The following ITGBL1 variants were observed in gnomAD, a reference collection of about 807,000 sequenced individuals.
The protein encoded by ITGBL1 is integrin subunit beta like 1.
A neutral mutation model predicts 68.5 loss-of-function variants in ITGBL1; 51 were observed. The ratio of observed to expected loss-of-function variants is 0.74; its 90% CI spans 0.59 to 0.94. The LOEUF is 0.94. Among genes scored for constraint, ITGBL1 ranks in the 40% least tolerant of loss-of-function variants. The pLI, the probability that ITGBL1 is intolerant of heterozygous loss-of-function variation, is 0.00. For missense variants in ITGBL1, 649 were observed against 647.4 expected, an observed-to-expected ratio of 1.00 and a Z score of -0.03; for synonymous variants, 209 against 227.3, an observed-to-expected ratio of 0.92 and a Z score of 0.72.
intron 2 of ITGBL1, among the ~76,000 whole-genome samples, chr13:101,557,261 T>C (rs1160251539): frequency 1.3e-5 from 2 of 152,372 alleles, no homozygotes; most frequent in South Asian, 2.1e-4. Context: ...GGAAGGCATG[T>C]TAAATATCAT....
At chr13:101,476,227 C>A (rs1418371478) in intron 2 of ITGBL1, among the ~76,000 whole-genome samples, 4 of 152,038 alleles carry the variant, frequency 2.6e-5, no homozygotes, top group Non-Finnish European at 5.9e-5. Context: ...CATTAGTTTT[C>A]TCTTTGCTTG....
At chr13:101,670,518 T>C (rs1028775812) in intron 7 of ITGBL1, among the ~76,000 whole-genome samples, 2 of 152,240 alleles carry the variant, frequency 1.3e-5, no homozygotes, top group Non-Finnish European at 2.9e-5. Flanking sequence ...TTTTCTTACA[T>C]CCTTGTAATT....
chr13:101,589,105 T>C (rs1009468550), intron 6 of ITGBL1, among the ~76,000 whole-genome samples: 2 of 152,216 alleles, frequency 1.3e-5, no homozygotes, highest in Admixed American at 1.3e-4. Context: ...TCTTGAAATA[T>C]GTAGTATATA....
intron 2 of ITGBL1, among the ~76,000 whole-genome samples, chr13:101,555,868 G>C (rs2049997135): frequency 6.6e-6 from 1 of 152,126 alleles, no homozygotes; most frequent in African/African-American, 2.4e-5. Flanking sequence ...TATTTGATCA[G>C]GGATTTTTGT....
At chr13:101,670,864 G>T (rs1361719698) in intron 7 of ITGBL1, among the ~76,000 whole-genome samples, 1 of 152,124 alleles carries the variant, frequency 6.6e-6, no homozygotes, top group African/African-American at 2.4e-5. Flanking sequence ...ATATGTTATT[G>T]ATGTGAATGT....
chr13:101,719,532 C>T (rs574930268), downstream of ITGBL1: 234 of 152,114 alleles, frequency 1.5e-3, no homozygotes, highest in African/African-American at 5.3e-3. Context: ...TCTAATTTTT[C>T]CAAGTAAAGT....
At chr13:101,604,465 G>C (rs1448802397) in intron 7 of ITGBL1, among the ~76,000 whole-genome samples, 9 of 151,664 alleles carry the variant, frequency 5.9e-5, no homozygotes, top group Non-Finnish European at 1.2e-4. Flanking sequence ...AACTAAATAA[G>C]CTTCATCAGT....
chr13:101,515,978 C>A (rs2049188966), intron 2 of ITGBL1, among the ~76,000 whole-genome samples: 1 of 152,096 alleles, frequency 6.6e-6, no homozygotes, highest in South Asian at 2.1e-4. Context: ...CAATTATACA[C>A]CCACACCTAG....
intron 2 of ITGBL1, among the ~76,000 whole-genome samples, chr13:101,543,259 A>G (rs2049746329): frequency 6.6e-6 from 1 of 152,144 alleles, no homozygotes; most frequent in Non-Finnish European, 1.5e-5. Flanking sequence ...CCTGGTGGTG[A>G]CAAAATCTCT....
At chr13:101,662,267 A>G (rs1332299337) in intron 7 of ITGBL1, among the ~76,000 whole-genome samples, 1 of 152,168 alleles carries the variant, frequency 6.6e-6, no homozygotes, top group African/African-American at 2.4e-5. Flanking sequence ...AATGTTCTTG[A>G]CAATTAGCAT....
intron 2 of ITGBL1, among the ~76,000 whole-genome samples, chr13:101,541,604 G>T (rs995534117): frequency 6.6e-6 from 1 of 152,234 alleles, no homozygotes; most frequent in East Asian, 1.9e-4. Context: ...TTTTTCTGTT[G>T]ATTGGAATAG....
intron 7 of ITGBL1, among the ~76,000 whole-genome samples, chr13:101,644,828 G>A (rs1272533397): frequency 6.6e-6 from 1 of 152,100 alleles, no homozygotes; most frequent in Non-Finnish European, 1.5e-5. Context: ...AGTACCTAAT[G>A]AAAATATTAG....
At chr13:101,579,499 T>G (rs2050420167) in intron 5 of ITGBL1, 72 bp downstream of exon 5, 2 of 1,487,886 alleles carry the variant, frequency 1.3e-6, no homozygotes, top group Admixed American at 2.0e-5. Context: ...ACTTCTTTTC[T>G]TTGTATTTCC....
At chr13:101,683,308 C>CT in intron 7 of ITGBL1, among the ~76,000 whole-genome samples, 1 of 152,106 alleles carries the variant, frequency 6.6e-6, no homozygotes, top group South Asian at 2.1e-4. Flanking sequence ...TTAGACGTGA[C>CT]TTTTTTGGAA....
At position 101,517,505 on chromosome 13, in the gene ITGBL1, A is replaced by T. The variant is rs556487947; in HGVS notation, c.317-50194A>T. On this transcript the variant is annotated intron_variant, in intron 2 of 10. Coordinates refer to ENST00000376180, the MANE Select transcript of ITGBL1 (RefSeq NM_004791.3). The stretch of plus-strand genomic sequence containing the variant: ...GACTGGGATTCAACCAGACCTCAGT[A>T]GTTTTGTAAGCTCTCTCTCATGACT... Among the ~76,000 whole-genome samples, 13 of 152,332 alleles carry T rather than the reference A, an allele frequency of 8.5e-5. No individual in the cohort carries two copies. The South Asian group carries it at 2.7e-3, about 32-fold the overall frequency.
intron 7 of ITGBL1, among the ~76,000 whole-genome samples, chr13:101,636,672 A>G (rs372046230): frequency 6.6e-6 from 1 of 152,200 alleles, no homozygotes; most frequent in Non-Finnish European, 1.5e-5. Flanking sequence ...AAATAGCTGC[A>G]TCTTGTGCTT....
intron 7 of ITGBL1, among the ~76,000 whole-genome samples, chr13:101,667,660 G>A (rs1566783063): frequency 6.6e-6 from 1 of 151,984 alleles, no homozygotes; most frequent in Non-Finnish European, 1.5e-5. Flanking sequence ...AGATTCAATT[G>A]TCCTTTTATA....
chr13:101,486,894 T>G (rs2139051340), intron 2 of ITGBL1, among the ~76,000 whole-genome samples: 1 of 152,318 alleles, frequency 6.6e-6, no homozygotes, highest in Middle Eastern at 3.4e-3. Flanking sequence ...AATGCCTACG[T>G]AGGTATTAAA....
chr13:101,582,269 T>G (rs1159462222), intron 5 of ITGBL1, among the ~76,000 whole-genome samples: 1 of 152,188 alleles, frequency 6.6e-6, no homozygotes, highest in African/African-American at 2.4e-5. Flanking sequence ...ATTTTCAATT[T>G]TTATGGAAAT....
Sources: gnomAD v4.1 joint callset for allele counts (sites outside exome capture counted in the v4.1 genomes callset) on GRCh38, gnomAD v4.1.1 for gene constraint, MANE v1.5 for transcripts, NCBI Gene and HGNC (gene_info 2026-07-23, HGNC 2026-07-21) for gene names.